Variants in CNTN5 observed in about 807,000 individuals in gnomAD.
CNTN5 encodes contactin-5.
CNTN5 carries 77 observed loss-of-function variants against 129.1 expected under a neutral mutation model. The observed-to-expected ratio is 0.60, with a 90% CI of 0.50 to 0.72. The LOEUF (loss-of-function observed/expected upper bound fraction) is 0.72, where lower values mean the gene tolerates loss of function less well. Ranked by LOEUF, CNTN5 falls within the 30% of genes least tolerant of loss-of-function variation. The probability of loss-of-function intolerance (pLI) is 0.00; values close to 1 mark genes in which losing one functional copy is unlikely to be tolerated. For missense variants in CNTN5, 1,478 were observed against 1,328.8 expected, an observed-to-expected ratio of 1.11 and a Z score of -1.75; for synonymous variants, 509 against 465.6, an observed-to-expected ratio of 1.09 and a Z score of -1.20.
chr11:100,026,198 G>T (rs1941411478), intron 9 of CNTN5, among the ~76,000 whole-genome samples: 1 of 151,958 alleles, frequency 6.6e-6, no homozygotes, highest in African/African-American at 2.4e-5. Context: ...GAGATCTGAG[G>T]GTTTTATAAG....
At chr11:99,229,966 T>C (rs190335131) in intron 1 of CNTN5, among the ~76,000 whole-genome samples, 1 of 152,146 alleles carries the variant, frequency 6.6e-6, no homozygotes, top group African/African-American at 2.4e-5. Flanking sequence ...CCTCATAATA[T>C]TAAGCTCCAC....
In CNTN5 at chr11:100,231,382, T is replaced by C. The variant is rs116511267; in HGVS notation, c.2005+6570T>C. 4.1e-3 allele frequency among the ~76,000 whole-genome samples: 627 copies of C among 152,208 alleles called. 3 individuals are homozygous for C. Among genetic ancestry groups the C allele is most frequent in the African/African-American group, 0.014 (592 of 41,526 alleles). ...TAATAGAGACAGGAAGGGGTGTGTATATATTCAAAAGATAGGAAGGAGGCA... is the reference window on the plus strand; with the variant it reads ...TAATAGAGACAGGAAGGGGTGTGTACATATTCAAAAGATAGGAAGGAGGCA... On this transcript the variant is annotated intron_variant, in intron 16 of 24. Coordinates refer to ENST00000524871, the MANE Select transcript of CNTN5 (RefSeq NM_014361.4).
intron 3 of CNTN5, among the ~76,000 whole-genome samples, chr11:99,644,324 C>T (rs1951872905): frequency 1.3e-5 from 2 of 152,128 alleles, no homozygotes; most frequent in African/African-American, 4.8e-5. Context: ...TCACAATTGG[C>T]AAGGTCTTAG....
At chr11:99,123,655 T>G (rs772741328) in intron 1 of CNTN5, among the ~76,000 whole-genome samples, 641 of 43,828 alleles carry the variant, frequency 0.015, 5 homozygotes, top group Non-Finnish European at 0.017. Flanking sequence ...TCTTCCAGGG[T>G]TTTTTTTTTT....
At chr11:100,286,067 A>C in intron 18 of CNTN5, among the ~76,000 whole-genome samples, 1 of 152,182 alleles carries the variant, frequency 6.6e-6, no homozygotes, top group African/African-American at 2.4e-5. Flanking sequence ...AAACGGCCCA[A>C]CACGAGATTA....
At chr11:100,072,335 C>T (rs982415883) in intron 12 of CNTN5, among the ~76,000 whole-genome samples, 3 of 152,184 alleles carry the variant, frequency 2.0e-5, no homozygotes, top group Non-Finnish European at 4.4e-5. Flanking sequence ...CAGGGAAAGG[C>T]TTCCTGATGC....
chr11:99,041,614 A>T (rs1237949081), intron 1 of CNTN5, among the ~76,000 whole-genome samples: 1 of 152,212 alleles, frequency 6.6e-6, no homozygotes, highest in East Asian at 1.9e-4. Context: ...TGCCCTCATT[A>T]AGTATAGTTT....
chr11:100,338,522 T>TG (rs1218621163), intron 21 of CNTN5, among the ~76,000 whole-genome samples: 2 of 151,978 alleles, frequency 1.3e-5, no homozygotes, highest in South Asian at 2.1e-4. Flanking sequence ...GTAATTAAGT[T>TG]GGGGGAAAAA....
chr11:99,945,896 G>T (rs540729197), intron 7 of CNTN5, among the ~76,000 whole-genome samples: 5 of 151,960 alleles, frequency 3.3e-5, no homozygotes, highest in Middle Eastern at 3.4e-3. Flanking sequence ...TATAAATTGT[G>T]TTACTAACAC....
At chr11:100,355,098 A>G (rs888962796) in intron 24 of CNTN5, among the ~76,000 whole-genome samples, 1 of 151,776 alleles carries the variant, frequency 6.6e-6, no homozygotes, top group East Asian at 1.9e-4. Context: ...TATAAACTTT[A>G]AATTTTATCT....
intron 8 of CNTN5, among the ~76,000 whole-genome samples, chr11:99,966,859 T>C (rs938833909): frequency 6.6e-6 from 1 of 152,186 alleles, no homozygotes; most frequent in Non-Finnish European, 1.5e-5. Flanking sequence ...GCTTCCATTT[T>C]GCATTTGGTG....
chr11:99,465,105 G>T (rs908006644), intron 2 of CNTN5, among the ~76,000 whole-genome samples: 3 of 152,198 alleles, frequency 2.0e-5, no homozygotes, highest in African/African-American at 7.2e-5. Context: ...AATAGTGTAT[G>T]TTAGGAAGAC....
intron 1 of CNTN5, among the ~76,000 whole-genome samples, chr11:99,249,639 C>T (rs1451338365): frequency 6.6e-6 from 1 of 151,710 alleles, no homozygotes; most frequent in Non-Finnish European, 1.5e-5. Flanking sequence ...TCCAAATATT[C>T]CAATGTAGAG....
In CNTN5 at chr11:100,050,271, T is replaced by G. The variant is rs188435082; in HGVS notation, c.981-10941T>G. Among the ~76,000 whole-genome samples the G allele has an allele frequency of 2.0e-5, 3 of 152,142 alleles. No individual in the cohort carries two copies. In the East Asian group the frequency reaches 5.8e-4, roughly 29 times the overall value. On this transcript the variant is annotated intron_variant, in intron 9 of 24. Coordinates refer to ENST00000524871, the MANE Select transcript of CNTN5 (RefSeq NM_014361.4). ...CTGGATTAAGAAAATGTGGCACATA[T>G]ACACCATGGAATACAGTGCAGCCAT...
At chr11:99,452,425 T>C (rs1289393621) in intron 2 of CNTN5, among the ~76,000 whole-genome samples, 2 of 145,120 alleles carry the variant, frequency 1.4e-5, no homozygotes, top group Non-Finnish European at 3.0e-5. Context: ...TAGGCTGGAG[T>C]GCAGTGGCTC....
chr11:100,128,617 C>T (rs375655747), intron 13 of CNTN5, among the ~76,000 whole-genome samples: 18 of 152,228 alleles, frequency 1.2e-4, no homozygotes, highest in African/African-American at 4.3e-4. Context: ...GAGAAAGATA[C>T]AGCTATAGTA....
intron 20 of CNTN5, among the ~76,000 whole-genome samples, chr11:100,300,426 A>G (rs1009031430): frequency 1.3e-5 from 2 of 151,614 alleles, no homozygotes; most frequent in Admixed American, 6.6e-5. Flanking sequence ...AAAATGTTCT[A>G]CCAAAGGCAG....
chr11:100,041,930 GT>G (rs1591114714), intron 9 of CNTN5, among the ~76,000 whole-genome samples: 2 of 152,122 alleles, frequency 1.3e-5, no homozygotes, highest in Admixed American at 6.5e-5. Flanking sequence ...ATAATCACAC[GT>G]TCTGAGTCAA....
chr11:99,053,773 C>A (rs1864520443), intron 1 of CNTN5, among the ~76,000 whole-genome samples: 1 of 151,894 alleles, frequency 6.6e-6, no homozygotes, highest in Non-Finnish European at 1.5e-5. Context: ...AACCATTAGG[C>A]TTAAGTTGTG....
Sources: gnomAD v4.1 joint callset for allele counts (sites outside exome capture counted in the v4.1 genomes callset) on GRCh38, gnomAD v4.1.1 for gene constraint, MANE v1.5 for transcripts, NCBI Gene and HGNC (gene_info 2026-07-23, HGNC 2026-07-21) for gene names.